The following ZNF407 variants were observed in gnomAD, a reference collection of about 807,000 sequenced individuals.
ZNF407 encodes zinc finger protein 407.
Under a neutral mutation model 131.2 loss-of-function variants are expected in ZNF407, and 17 were observed. The observed-to-expected ratio is 0.13, with a 90% CI of 0.09 to 0.19. The LOEUF is 0.19. ZNF407 is among the 10% of genes least tolerant of loss of function. The probability of loss-of-function intolerance (pLI) is 1.00; values close to 1 mark genes in which losing one functional copy is unlikely to be tolerated. For synonymous variants in ZNF407, 1,156 were observed against 1,062.0 expected (o/e 1.09, Z -1.72); for missense variants, 2,681 against 2,830.6 (o/e 0.95, Z 1.20).
At chr18:74,866,911 G>T (rs1971019298) in intron 4 of ZNF407, among the ~76,000 whole-genome samples, 1 of 145,898 alleles carries the variant, frequency 6.9e-6, no homozygotes, top group African/African-American at 2.5e-5. Flanking sequence ...AGCTACTCCG[G>T]CTGAGGCTGG....
At chr18:74,758,663 T>C (rs560147999) in intron 3 of ZNF407, among the ~76,000 whole-genome samples, 16 of 152,300 alleles carry the variant, frequency 1.1e-4, no homozygotes, top group Admixed American at 3.9e-4. Context: ...TGATCTCGGC[T>C]CACTGGAACC....
At chr18:74,764,065 C>T (rs1244638910) in intron 3 of ZNF407, among the ~76,000 whole-genome samples, 10 of 151,104 alleles carry the variant, frequency 6.6e-5, no homozygotes, top group African/African-American at 2.4e-4. Flanking sequence ...TTTTTTTAGA[C>T]TTTTGCTTTA....
At chr18:74,658,369 G>A (rs1312449148) in intron 3 of ZNF407, among the ~76,000 whole-genome samples, 4 of 151,978 alleles carry the variant, frequency 2.6e-5, no homozygotes, top group Admixed American at 2.6e-4. Flanking sequence ...TGCCCACCTC[G>A]GCCTCCCAAA....
intron 8 of ZNF407, among the ~76,000 whole-genome samples, chr18:74,970,810 GCCCCAGTGGGGA>G (rs1972464023): frequency 6.6e-6 from 1 of 152,204 alleles, no homozygotes; most frequent in Admixed American, 6.5e-5. Context: ...GCTAGGTGGT[GCCCCAGTGGGGA>G]CTCCATGTGG....
At chr18:74,787,198 C>T (rs980921554) in intron 4 of ZNF407, among the ~76,000 whole-genome samples, 10 of 152,064 alleles carry the variant, frequency 6.6e-5, no homozygotes, top group African/African-American at 2.4e-4. Context: ...TCATCTAAAG[C>T]CGAAGTGTTT....
At chr18:74,874,479 G>A (rs1360725829) in intron 4 of ZNF407, among the ~76,000 whole-genome samples, 1 of 152,192 alleles carries the variant, frequency 6.6e-6, no homozygotes, top group Non-Finnish European at 1.5e-5. Flanking sequence ...CCTGGTGGCT[G>A]GAGGGGCATC....
Position 74,632,873 on chromosome 18 carries a change from C to G in ZNF407, c.1854C>G (p.Thr618=). Residue 618 remains threonine (T), a synonymous_variant, in exon 2 of 9, where the codon ACC becomes ACG. Coordinates refer to ENST00000299687, the MANE Select transcript of ZNF407 (RefSeq NM_017757.3). ...AGCACAATATGCATTTTCTTTGCAC[C>G]CCTTGTAATCTGTTCTTTTTGTCTG... ...KEKHNMHFLC[T]PCNLFFLSEK... 6.2e-7 allele frequency: 1 copy of G among 1,612,920 alleles called. No homozygotes were observed. The highest frequency in any genetic ancestry group is 1.1e-5 in the South Asian group (1 of 91,020).
chr18:74,934,461 C>A (rs547136345), intron 8 of ZNF407, among the ~76,000 whole-genome samples: 1 of 152,258 alleles, frequency 6.6e-6, no homozygotes, highest in East Asian at 1.9e-4. Context: ...TAAATGGAAA[C>A]AACATCGCAA....
At chr18:74,774,399 A>T (rs1271778165) in intron 3 of ZNF407, among the ~76,000 whole-genome samples, 1 of 152,234 alleles carries the variant, frequency 6.6e-6, no homozygotes, top group East Asian at 1.9e-4. Flanking sequence ...AATATCACCT[A>T]CAGATTACTT....
At chr18:74,975,767 A>G (rs1972521382) in intron 8 of ZNF407, among the ~76,000 whole-genome samples, 1 of 152,198 alleles carries the variant, frequency 6.6e-6, no homozygotes, top group Non-Finnish European at 1.5e-5. Flanking sequence ...TTGGGACATG[A>G]TAATGGGATA....
At chr18:74,907,365 G>T (rs1326698555) in intron 7 of ZNF407, among the ~76,000 whole-genome samples, 1 of 152,176 alleles carries the variant, frequency 6.6e-6, no homozygotes, top group African/African-American at 2.4e-5. Flanking sequence ...CTGGGGAAGT[G>T]TCTGGCTCTT....
chr18:74,678,432 T>C (rs190199477), intron 3 of ZNF407, among the ~76,000 whole-genome samples: 10 of 152,322 alleles, frequency 6.6e-5, no homozygotes, highest in Admixed American at 1.3e-4. Context: ...CACATTGGCC[T>C]GCCTGCAACC....
intron 8 of ZNF407, among the ~76,000 whole-genome samples, chr18:75,022,982 G>A (rs372597742): frequency 5.3e-5 from 8 of 152,122 alleles, no homozygotes; most frequent in East Asian, 1.9e-4. Context: ...CACGTACACC[G>A]TGGAATACTA....
intron 4 of ZNF407, among the ~76,000 whole-genome samples, chr18:74,826,335 C>G (rs1216853323): frequency 6.6e-6 from 1 of 152,256 alleles, no homozygotes; most frequent in East Asian, 1.9e-4. Flanking sequence ...TGCACACTTT[C>G]TCTTTTTGCA....
intron 3 of ZNF407, among the ~76,000 whole-genome samples, chr18:74,734,106 T>C (rs1408716423): frequency 2.0e-5 from 3 of 152,188 alleles, no homozygotes; most frequent in African/African-American, 7.2e-5. Context: ...TTTGGCTCTG[T>C]GTCAGTGTTG....
At chr18:75,049,481 T>C (rs181072070) in intron 8 of ZNF407, among the ~76,000 whole-genome samples, 1 of 152,188 alleles carries the variant, frequency 6.6e-6, no homozygotes, top group African/African-American at 2.4e-5. Context: ...AGTTCTAGAA[T>C]CATAATCTAA....
intron 8 of ZNF407, among the ~76,000 whole-genome samples, chr18:75,004,575 G>A (rs1024192649): frequency 6.6e-6 from 1 of 152,134 alleles, no homozygotes; most frequent in Non-Finnish European, 1.5e-5. Flanking sequence ...TCTCTTGCTC[G>A]AGAGCCACCT....
chr18:74,729,698 G>C (rs1042568188), intron 3 of ZNF407, among the ~76,000 whole-genome samples: 1 of 152,092 alleles, frequency 6.6e-6, no homozygotes, highest in African/African-American at 2.4e-5. Context: ...CACAGGGACC[G>C]TACACTTGGC....
chr18:74,973,401 G>A (rs1423082410), intron 8 of ZNF407, among the ~76,000 whole-genome samples: 1 of 152,180 alleles, frequency 6.6e-6, no homozygotes, highest in Non-Finnish European at 1.5e-5. Flanking sequence ...TAGTCGCCTT[G>A]AAGTAACCAG....
Sources: gnomAD v4.1 joint callset for allele counts (sites outside exome capture counted in the v4.1 genomes callset) on GRCh38, gnomAD v4.1.1 for gene constraint, MANE v1.5 for transcripts, NCBI Gene and HGNC (gene_info 2026-07-23, HGNC 2026-07-21) for gene names.